FBXW11: variants seen among roughly 807,000 people sequenced by gnomAD.
The protein encoded by FBXW11 is F-box and WD repeat domain containing 11, also known as F-box/WD repeat-containing protein 11.
FBXW11 carries 19 observed loss-of-function variants against 77.6 expected under a neutral mutation model. That is an observed-to-expected ratio of 0.24 (90% confidence interval 0.17 to 0.36). The LOEUF (loss-of-function observed/expected upper bound fraction) is 0.36, where lower values mean the gene tolerates loss of function less well. Ranked by LOEUF, FBXW11 falls within the 10% of genes least tolerant of loss-of-function variation. The pLI, the probability that FBXW11 is intolerant of heterozygous loss-of-function variation, is 1.00. For missense variants in FBXW11, 334 were observed against 704.2 expected (o/e 0.47, Z 5.95); for synonymous variants, 235 against 249.4 (o/e 0.94, Z 0.54).
intron 2 of FBXW11, among the ~76,000 whole-genome samples, chr5:171,952,443 A>ATATATATATATG (rs1763384537): frequency 9.3e-5 from 1 of 10,760 alleles, no homozygotes; most frequent in African/African-American, 2.2e-4. Context: ...ATATATATAT[A>ATATATATATATG]TATATTTTTT....
At chr5:171,940,487 G>A (rs1047591890) in intron 2 of FBXW11, among the ~76,000 whole-genome samples, 2 of 152,096 alleles carry the variant, frequency 1.3e-5, no homozygotes, top group African/African-American at 4.8e-5. Flanking sequence ...AAGGCTCTTC[G>A]GAGAAATGGC....
At chr5:171,865,652 A>G (rs1041686287) in intron 13 of FBXW11, among the ~76,000 whole-genome samples, 2 of 152,244 alleles carry the variant, frequency 1.3e-5, no homozygotes. Context: ...GCAGGAGTTT[A>G]CTTTCTTCTT....
At chr5:171,966,769 C>A (rs1764212476) in intron 1 of FBXW11, among the ~76,000 whole-genome samples, 1 of 152,146 alleles carries the variant, frequency 6.6e-6, no homozygotes, top group Non-Finnish European at 1.5e-5. Context: ...GACCTCTCAA[C>A]CCTAAGTTTA....
intron 1 of FBXW11, among the ~76,000 whole-genome samples, chr5:171,998,658 C>G (rs899289826): frequency 6.6e-6 from 1 of 151,402 alleles, no homozygotes; most frequent in African/African-American, 2.4e-5. Flanking sequence ...TTAACCGGGC[C>G]TGGTGGCACA....
chr5:171,971,373 AC>A (rs1273390314), intron 1 of FBXW11, among the ~76,000 whole-genome samples: 1 of 152,236 alleles, frequency 6.6e-6, no homozygotes, highest in Non-Finnish European at 1.5e-5. Flanking sequence ...GAAACAGAGT[AC>A]TACTATTACA....
chr5:171,958,763 C>G (rs1051154957), intron 1 of FBXW11, among the ~76,000 whole-genome samples: 4 of 152,156 alleles, frequency 2.6e-5, no homozygotes, highest in African/African-American at 9.7e-5. Context: ...AATTAATTTA[C>G]TATGGCAAAA....
intron 2 of FBXW11, among the ~76,000 whole-genome samples, chr5:171,930,754 T>TAA (rs1300857997): frequency 5.6e-4 from 18 of 32,318 alleles, no homozygotes; most frequent in East Asian, 1.3e-3. Flanking sequence ...AAATAAAAAA[T>TAA]AAAAAAATAA....
intron 2 of FBXW11, among the ~76,000 whole-genome samples, chr5:171,951,914 G>C (rs1277957271): frequency 2.0e-5 from 3 of 152,140 alleles, no homozygotes; most frequent in African/African-American, 7.2e-5. Flanking sequence ...ACTAAGATTA[G>C]CATAATTTTG....
intron 1 of FBXW11, among the ~76,000 whole-genome samples, chr5:172,004,340 A>T (rs998799386): frequency 2.0e-5 from 3 of 152,228 alleles, no homozygotes; most frequent in Non-Finnish European, 2.9e-5. Context: ...ATCGTAATAT[A>T]ACTAAACTCT....
At chr5:171,992,754 C>A (rs916227142) in intron 1 of FBXW11, among the ~76,000 whole-genome samples, 4 of 152,040 alleles carry the variant, frequency 2.6e-5, no homozygotes, top group Admixed American at 2.6e-4. Context: ...CCCAATATTT[C>A]TCTCTAACCC....
At chr5:171,933,153 A>C (rs1436601529) in intron 2 of FBXW11, among the ~76,000 whole-genome samples, 3 of 150,278 alleles carry the variant, frequency 2.0e-5, no homozygotes, top group Non-Finnish European at 4.4e-5. Context: ...AAAAAAAAAA[A>C]AGTGTGGTAC....
intron 4 of FBXW11, among the ~76,000 whole-genome samples, chr5:171,902,116 A>C (rs1298594731): frequency 6.6e-6 from 1 of 152,206 alleles, no homozygotes; most frequent in Non-Finnish European, 1.5e-5. Context: ...GCCATTGCCC[A>C]GTCCATATCT....
intron 2 of FBXW11, among the ~76,000 whole-genome samples, chr5:171,955,191 C>T (rs866426483): frequency 6.6e-6 from 1 of 152,234 alleles, no homozygotes; most frequent in East Asian, 1.9e-4. Context: ...AGGGCAACTA[C>T]TATCTTCCCT....
chr5:171,921,674 G>A (rs963944553), intron 2 of FBXW11, among the ~76,000 whole-genome samples: 6 of 152,122 alleles, frequency 3.9e-5, no homozygotes, highest in Non-Finnish European at 8.8e-5. Flanking sequence ...TAAAAGGAAA[G>A]CAAGGGTCTT....
chr5:171,964,111 A>G (rs947448702), intron 1 of FBXW11, among the ~76,000 whole-genome samples: 5 of 152,224 alleles, frequency 3.3e-5, no homozygotes, highest in Admixed American at 1.3e-4. Flanking sequence ...TCGAGAATCT[A>G]TAAGATAGCA....
At chr5:171,893,261 T>C (rs1759480748) in intron 6 of FBXW11, among the ~76,000 whole-genome samples, 1 of 151,658 alleles carries the variant, frequency 6.6e-6, no homozygotes, top group African/African-American at 2.4e-5. Context: ...CAGGATGGTA[T>C]ATTTCCAATG....
At chr5:171,864,307 A>G (rs904063477) in intron 13 of FBXW11, among the ~76,000 whole-genome samples, 3 of 152,234 alleles carry the variant, frequency 2.0e-5, no homozygotes, top group Admixed American at 6.5e-5. Context: ...GGAAGAAACT[A>G]TTATGACACC....
intron 2 of FBXW11, among the ~76,000 whole-genome samples, chr5:171,942,163 C>A (rs1473818898): frequency 2.6e-5 from 4 of 151,102 alleles, no homozygotes; most frequent in African/African-American, 9.8e-5. Context: ...GTATTTCCTA[C>A]AAAGGAGGAT....
chr5:172,000,546 T>G (rs1243790188), intron 1 of FBXW11, among the ~76,000 whole-genome samples: 1 of 152,226 alleles, frequency 6.6e-6, no homozygotes, highest in Non-Finnish European at 1.5e-5. Flanking sequence ...ATGTTAGTCT[T>G]CTGTAAAGCC....
Sources: allele counts gnomAD v4.1 joint callset (sites outside exome capture counted in the v4.1 genomes callset), GRCh38; gene constraint gnomAD v4.1.1; transcripts MANE v1.5; gene names NCBI Gene and HGNC (gene_info 2026-07-23, HGNC 2026-07-21).